Variants in ZC3HAV1 observed in about 807,000 individuals in gnomAD.
ZC3HAV1 encodes zinc finger CCCH-type containing, antiviral 1, also known as zinc finger CCCH-type antiviral protein 1.
A neutral mutation model predicts 86.6 loss-of-function variants in ZC3HAV1; 41 were observed. The observed-to-expected ratio is 0.47, with a 90% CI of 0.37 to 0.61. ZC3HAV1 has a LOEUF of 0.61. ZC3HAV1 is among the 20% of genes least tolerant of loss of function. The pLI, the probability that ZC3HAV1 is intolerant of heterozygous loss-of-function variation, is 0.00. For missense variants in ZC3HAV1, 964 were observed against 1,141.1 expected (o/e 0.84, Z 2.24); for synonymous variants, 421 against 432.1 (o/e 0.97, Z 0.32).
chr7:139,061,285 A>C, intron 8 of ZC3HAV1, 147 bp from the exon 9 acceptor site: 1 of 733,306 alleles, frequency 1.4e-6, no homozygotes, highest in Non-Finnish European at 2.2e-6. Context: ...TTGGGATGAG[A>C]ATTGCTCACA....
At chr7:139,090,792 T>C (rs1261684929) in intron 1 of ZC3HAV1, among the ~76,000 whole-genome samples, 1 of 152,238 alleles carries the variant, frequency 6.6e-6, no homozygotes, top group Non-Finnish European at 1.5e-5. Context: ...ATTATTTGTG[T>C]GTAAATCATG....
At chr7:139,099,654 T>C (rs1438603412) in intron 1 of ZC3HAV1, among the ~76,000 whole-genome samples, 4 of 152,230 alleles carry the variant, frequency 2.6e-5, no homozygotes, top group Non-Finnish European at 5.9e-5. Context: ...TTATTGCCAC[T>C]GAACTGTACA....
chr7:139,061,779 A>G (rs1262404869), intron 8 of ZC3HAV1, among the ~76,000 whole-genome samples: 1 of 152,272 alleles, frequency 6.6e-6, no homozygotes, highest in Non-Finnish European at 1.5e-5. Context: ...TGCTCACAGC[A>G]GCGTTATTAT....
chr7:139,109,478 C>T lies in ZC3HAV1; in HGVS notation c.-147G>A, dbSNP rs1027361632. The T allele has an allele frequency of 9.9e-7, 1 of 1,013,876 alleles. No individual in the cohort carries two copies. The highest frequency in any genetic ancestry group is 1.7e-5 in the African/African-American group (1 of 60,538). 62.8% of individuals were successfully genotyped at this position (1,013,876 alleles called of 1,614,324 possible). ...TCAGCGAGGGCGCGCTCTCCGTCGCCGTTAGCCCAGCCCAGCGATCCACTC... is the reference window on the plus strand; with the variant it reads ...TCAGCGAGGGCGCGCTCTCCGTCGCTGTTAGCCCAGCCCAGCGATCCACTC... On this transcript the variant is annotated 5_prime_UTR_variant, in exon 1 of 13. Transcript: ENST00000242351.
At chr7:139,101,961 C>G (rs1817786577) in intron 1 of ZC3HAV1, among the ~76,000 whole-genome samples, 1 of 151,418 alleles carries the variant, frequency 6.6e-6, no homozygotes, top group Non-Finnish European at 1.5e-5. Context: ...GTCCTATGAC[C>G]CTGCTAAATC....
At chr7:139,104,023 A>T (rs2130740646) in intron 1 of ZC3HAV1, among the ~76,000 whole-genome samples, 1 of 152,338 alleles carries the variant, frequency 6.6e-6, no homozygotes, top group Non-Finnish European at 1.5e-5. Flanking sequence ...AGAAAAAAAT[A>T]ACCTTAGGTC....
rs1055283220 is a variant in ZC3HAV1, at chr7:139,064,812, C to T, written c.1993+67G>A. ...ATAGCAATGCATACCCACTCTGCTC[C>T]CACTCCCACGTGTACACTGCAGGCG... On this transcript the variant is annotated intron_variant, in intron 8 of 12. Transcript: ENST00000242351. 3 of 1,611,338 alleles carry T rather than the reference C, an allele frequency of 1.9e-6. No homozygotes were observed. The African/African-American group carries it at 4.0e-5, about 22-fold the overall frequency.
intron 11 of ZC3HAV1, 57 bp downstream of exon 11, chr7:139,053,908 A>T: frequency 6.4e-7 from 1 of 1,570,906 alleles, no homozygotes; most frequent in South Asian, 1.2e-5. Context: ...CAAAGGACGG[A>T]TATTAACTAA....
chr7:139,101,519 C>T (rs1408914422), intron 1 of ZC3HAV1, among the ~76,000 whole-genome samples: 1 of 66,216 alleles, frequency 1.5e-5, no homozygotes, highest in African/African-American at 6.0e-5. Flanking sequence ...GTGTACCCAA[C>T]AGCTCATTGA....
chr7:139,096,234 G>T (rs753974365), intron 1 of ZC3HAV1, among the ~76,000 whole-genome samples: 1 of 152,094 alleles, frequency 6.6e-6, no homozygotes, highest in Non-Finnish European at 1.5e-5. Flanking sequence ...GGCTGGTCTT[G>T]AACTCCTGAC....
intron 1 of ZC3HAV1, among the ~76,000 whole-genome samples, chr7:139,101,196 C>T (rs988492295): frequency 1.3e-5 from 2 of 151,912 alleles, no homozygotes; most frequent in African/African-American, 2.4e-5. Flanking sequence ...CTAGCTACAA[C>T]CTCCACCTCC....
At chr7:139,088,901 G>A (rs562022205) in intron 2 of ZC3HAV1, among the ~76,000 whole-genome samples, 3 of 152,182 alleles carry the variant, frequency 2.0e-5, no homozygotes, top group East Asian at 1.9e-4. Context: ...TCGGGAGTTC[G>A]AGGCCAGGCT....
chr7:139,083,874 G>T lies in ZC3HAV1; in HGVS notation c.603C>A (p.Ile201=), dbSNP rs1311629263. ...HNLMDRKVLA[I]MREHGLNPDV... is the part of the protein sequence containing the mutation. ...CGGGGTTCAGCCCGTGCTCCCTCAT[G>T]ATGGCCAGCACCTTTCTGTCCATCA... The change falls in exon 3 of 13, where the codon ATC becomes ATA. Residue 201 remains isoleucine (I), a synonymous_variant. Coordinates refer to ENST00000242351, the MANE Select transcript of ZC3HAV1 (RefSeq NM_020119.4). 4.3e-6 allele frequency: 7 copies of T among 1,614,146 alleles called. No homozygotes were observed. Among genetic ancestry groups the T allele is most frequent in the Non-Finnish European group, 4.2e-6 (5 of 1,180,034 alleles).
intron 3 of ZC3HAV1, among the ~76,000 whole-genome samples, chr7:139,080,482 T>C (rs1817098313): frequency 6.6e-6 from 1 of 152,190 alleles, no homozygotes; most frequent in Admixed American, 6.5e-5. Context: ...CAGGCTGGAA[T>C]GCAGTGGCCC....
At chr7:139,101,033 C>T (rs923211835) in intron 1 of ZC3HAV1, among the ~76,000 whole-genome samples, 8 of 151,500 alleles carry the variant, frequency 5.3e-5, no homozygotes, top group African/African-American at 1.2e-4. Context: ...TTGGTGGAGA[C>T]GGGGTTTCGC....
intron 1 of ZC3HAV1, among the ~76,000 whole-genome samples, chr7:139,094,674 C>T (rs1348355227): frequency 6.6e-6 from 1 of 152,196 alleles, no homozygotes; most frequent in Non-Finnish European, 1.5e-5. Context: ...CGGGTGCAGT[C>T]TAAACAACTA....
intron 1 of ZC3HAV1, among the ~76,000 whole-genome samples, chr7:139,092,151 G>A (rs138352403): frequency 1.3e-5 from 2 of 152,188 alleles, no homozygotes; most frequent in Non-Finnish European, 2.9e-5. Flanking sequence ...TGATAGATGC[G>A]GGACTTTGGG....
chr7:139,056,001 TA>T (rs1816270441), intron 9 of ZC3HAV1, among the ~76,000 whole-genome samples: 1 of 152,236 alleles, frequency 6.6e-6, no homozygotes, highest in Non-Finnish European at 1.5e-5. Flanking sequence ...AGACACTGTA[TA>T]TCTCTTCATA....
chr7:139,078,111 C>T (rs1376727649), intron 5 of ZC3HAV1, among the ~76,000 whole-genome samples: 1 of 152,170 alleles, frequency 6.6e-6, no homozygotes, highest in East Asian at 1.9e-4. Flanking sequence ...GGGTGGCACA[C>T]GCCTGTAACC....
Sources: gnomAD v4.1 joint callset for allele counts (sites outside exome capture counted in the v4.1 genomes callset) on GRCh38, gnomAD v4.1.1 for gene constraint, MANE v1.5 for transcripts, NCBI Gene and HGNC (gene_info 2026-07-23, HGNC 2026-07-21) for gene names.